LCT: variants seen among roughly 807,000 people sequenced by gnomAD.
The protein encoded by LCT is lactase/phlorizin hydrolase.
LCT carries 90 observed loss-of-function variants against 173.0 expected under a neutral mutation model. That is an observed-to-expected ratio of 0.52 (90% CI 0.44 to 0.62). The LOEUF is 0.62. LCT is among the 20% of genes least tolerant of loss of function. LCT has a pLI of 0.00. For missense variants in LCT, 1,864 were observed against 2,431.4 expected (o/e 0.77, Z 4.91); for synonymous variants, 853 against 957.6 (o/e 0.89, Z 2.02).
chr2:135,797,135 A>G (rs1458551086), intron 13 of LCT, among the ~76,000 whole-genome samples: 1 of 151,528 alleles, frequency 6.6e-6, no homozygotes, highest in Non-Finnish European at 1.5e-5. Flanking sequence ...TTTAGTAGAG[A>G]CAGGGTTTCG....
At chr2:135,797,863 C>A (rs1267416173) in intron 13 of LCT, among the ~76,000 whole-genome samples, 166 bp downstream of exon 13, 1 of 152,168 alleles carries the variant, frequency 6.6e-6, no homozygotes, top group Non-Finnish European at 1.5e-5. Flanking sequence ...ATAGCAAACC[C>A]CTCTGTCAAG....
At position 135,794,541 on chromosome 2, in the gene LCT, A is replaced by C. The variant is rs1335102753; in HGVS notation, c.5111+100T>G. On this transcript the variant is annotated intron_variant, in intron 14 of 16. Coordinates refer to ENST00000264162, the MANE Select transcript of LCT (RefSeq NM_002299.4). ...CAAACCCCGGCACATTCGGCGTTGG[A>C]GGCCCTGTTTTGAGGCTGGGCAGGC... The C allele has an allele frequency of 3.2e-6, 4 of 1,264,808 alleles. No individual in the cohort carries two copies. In the African/African-American group the frequency reaches 5.9e-5, roughly 19 times the overall value. The allele number at this position is 1,264,808 out of a possible 1,614,324, so 78.3% of individuals were successfully genotyped here. A position where few individuals can be genotyped will look rare whatever the true frequency, so the allele number is the denominator to read the frequency against.
intron 9 of LCT, among the ~76,000 whole-genome samples, chr2:135,805,520 A>C (rs2077663934): frequency 6.6e-6 from 1 of 152,034 alleles, no homozygotes; most frequent in Non-Finnish European, 1.5e-5. Context: ...AAACCATCCT[A>C]TTTTCTGTAT....
intron 13 of LCT, among the ~76,000 whole-genome samples, chr2:135,796,213 C>T (rs1485693398): frequency 6.6e-6 from 1 of 152,216 alleles, no homozygotes; most frequent in African/African-American, 2.4e-5. Context: ...TTAGGTGTGG[C>T]CCAGAGATGC....
At position 135,812,746 on chromosome 2, in the gene LCT, C is replaced by T. The variant is rs1370315699; in HGVS notation, c.1918G>A (p.Asp640Asn). 1.1e-5 allele frequency: 18 copies of T among 1,614,056 alleles called. No individual in the cohort carries two copies. The highest frequency in any genetic ancestry group is 1.5e-5 in the Non-Finnish European group (18 of 1,180,036). The change falls in exon 7 of 17, where the codon GAC (aspartate) becomes AAC (asparagine). Residue 640 changes from aspartate (D) to asparagine (N), a missense_variant. Asp to Asn is a conservative substitution (Grantham distance 23). Coordinates refer to ENST00000264162, the MANE Select transcript of LCT (RefSeq NM_002299.4). ...TGGGTCCTCAGGGTGGCTGGGTAGT[C>T]TCCATCCACAAAGACGGGGTGTGCA... ...WFAHPVFVDG[D>N]YPATLRTQIQ...
rs201685980 is a variant in LCT at position 135,812,564 on chromosome 2, G to T, written c.2100C>A (p.Ile700=). ...AGCCTCCAATGGTATCATAGCTAGG[G>T]ATGCAGGTGTTTTGTGGGGCGTTGC... ...LISNAPQNTC[I]PSYDTIGGFS... Residue 700 remains isoleucine (I), a synonymous_variant, in exon 7 of 17, where the codon ATC becomes ATA. Transcript: ENST00000264162. 22 of 1,613,690 alleles carry T rather than the reference G, an allele frequency of 1.4e-5. No homozygotes were observed. The highest frequency in any genetic ancestry group is 1.3e-4 in the Admixed American group (8 of 60,002).
At chr2:135,796,562 C>T (rs961825794) in intron 13 of LCT, among the ~76,000 whole-genome samples, 7 of 152,256 alleles carry the variant, frequency 4.6e-5, no homozygotes, top group African/African-American at 1.7e-4. Context: ...CAATCCCCCA[C>T]ATTCTATCCC....
intron 16 of LCT, among the ~76,000 whole-genome samples, chr2:135,788,805 G>A (rs973050082): frequency 6.6e-6 from 1 of 152,228 alleles, no homozygotes; most frequent in East Asian, 1.9e-4. Flanking sequence ...GGGATCAGAA[G>A]TGTTTCAGAT....
At chr2:135,814,873 C>T (rs1009192839) in intron 6 of LCT, among the ~76,000 whole-genome samples, 4 of 151,922 alleles carry the variant, frequency 2.6e-5, no homozygotes, top group Admixed American at 2.0e-4. Context: ...GAATTAGTTC[C>T]CCCATCAAAA....
chr2:135,795,450 C>G (rs1180841426), intron 13 of LCT, among the ~76,000 whole-genome samples: 4 of 151,924 alleles, frequency 2.6e-5, no homozygotes, highest in African/African-American at 9.7e-5. Context: ...CTCAAGTGAT[C>G]CGCCCACCTC....
chr2:135,804,709 C>T, intron 10 of LCT, 58 bp downstream of exon 10: 1 of 1,491,504 alleles, frequency 6.7e-7, no homozygotes, highest in Non-Finnish European at 9.3e-7. Context: ...TGTGCTCCCC[C>T]AGCCCTGCTG....
rs1458597355 is a variant in LCT at position 135,790,132 on chromosome 2, G to T, written c.5336-334C>A. 6.6e-6 allele frequency among the ~76,000 whole-genome samples: 1 copy of T among 152,200 alleles called. No individual in the cohort carries two copies. The highest frequency in any genetic ancestry group is 2.4e-5 in the African/African-American group (1 of 41,444). ...CCTTAGAATGTTAATGCTTCTCCCT[G>T]TAGAAAATAGCCCTTAGATAGAATA... On this transcript the variant is annotated intron_variant, in intron 15 of 16. Transcript: ENST00000264162. This position sits in a 1 kb window ranked among gnomAD's most constrained non-coding sequence, Gnocchi z 4.1.
At chr2:135,824,624 T>C (rs558514943) in intron 3 of LCT, among the ~76,000 whole-genome samples, 1 of 152,332 alleles carries the variant, frequency 6.6e-6, no homozygotes, top group South Asian at 2.1e-4. Context: ...TATGAGCCAA[T>C]AATAGCTCTT....
chr2:135,834,428 G>A (rs1489506702), intron 1 of LCT, among the ~76,000 whole-genome samples: 5 of 149,316 alleles, frequency 3.3e-5, no homozygotes, highest in East Asian at 2.1e-4. Context: ...CTTGTGACCC[G>A]CCTGCCTCAG....
chr2:135,821,620 A>T (rs2077831681), intron 5 of LCT: 1 of 237,524 alleles, frequency 4.2e-6, no homozygotes, highest in Non-Finnish European at 8.3e-6. Flanking sequence ...AGCTGGGACC[A>T]TAGGCATGCA....
At chr2:135,793,048 C>T (rs1003761116) in intron 14 of LCT, among the ~76,000 whole-genome samples, 1 of 152,200 alleles carries the variant, frequency 6.6e-6, no homozygotes. Flanking sequence ...AACAGAAGAA[C>T]CCTGCTCCAA....
rs757978587 is a variant in LCT at position 135,788,463 on chromosome 2, G to A, written c.5645C>T (p.Thr1882Ile). 4 of 1,613,608 alleles carry A rather than the reference G, an allele frequency of 2.5e-6. No homozygotes were observed. Among genetic ancestry groups the A allele is most frequent in the Non-Finnish European group, 3.4e-6 (4 of 1,179,858 alleles). Reference sequence around the variant, plus strand: ...AAGAGAAAAGAGAACGTACAAAGCTGTCTGTGCTTCTGTGGTGCCGAGCAT... The same window carrying A: ...AAGAGAAAAGAGAACGTACAAAGCTATCTGTGCTTCTGTGGTGCCGAGCAT... ...GLMLGTTEAQ[T>I]ALYVLFSLVL... The change falls in exon 17 of 17, where the codon ACA becomes ATA. Residue 1882 changes from threonine (T) to isoleucine (I), a missense_variant. Physicochemically the swap from Thr to Ile is moderately conservative, Grantham distance 89. Around this residue, in one of 4 missense-constraint regions of LCT, gnomAD observed 514 missense variants for 750.1 expected, o/e 0.69. Coordinates refer to ENST00000264162, the MANE Select transcript of LCT (RefSeq NM_002299.4).
At chr2:135,798,893 A>G (rs1352519321) in intron 12 of LCT, among the ~76,000 whole-genome samples, 5 of 152,182 alleles carry the variant, frequency 3.3e-5, no homozygotes, top group Non-Finnish European at 7.3e-5. Context: ...CTCCAAGGTA[A>G]CACACTAGAT....
In LCT at chr2:135,795,615, A is replaced by T. The variant is rs191974181; in HGVS notation, c.4977-840T>A. 5.8e-3 allele frequency among the ~76,000 whole-genome samples: 503 copies of T among 86,494 alleles called. 7 individuals carry two copies. Among genetic ancestry groups the T allele is most frequent in the East Asian group, 0.026 (111 of 4,222 alleles). The allele number at this position is 86,494 out of a possible 152,430, so 56.7% of individuals were successfully genotyped here. A position where few individuals can be genotyped will look rare whatever the true frequency, so the allele number is the denominator to read the frequency against. ...TCTTTTCTCCAACTCTAATAATAAT[A>T]ATAATAATAATAATAATAATAATAG... is the stretch of plus-strand genomic sequence containing the variant. On this transcript the variant is annotated intron_variant, in intron 13 of 16. Transcript: ENST00000264162.
Sources: gnomAD v4.1 joint callset for allele counts (sites outside exome capture counted in the v4.1 genomes callset) on GRCh38, gnomAD v4.1.1 for gene constraint, gnomAD v4.1.1 regional missense constraint, Gnocchi (gnomAD v3.1) non-coding constraint, MANE v1.5 for transcripts, NCBI Gene and HGNC (gene_info 2026-07-23, HGNC 2026-07-21) for gene names.